KPNA5: variants seen among roughly 807,000 people sequenced by gnomAD.
The protein encoded by KPNA5 is importin subunit alpha-6.
In KPNA5, 46 loss-of-function variants were observed where a neutral mutation model predicts 71.3. The ratio of observed to expected loss-of-function variants is 0.65; its 90% confidence interval spans 0.51 to 0.83. The LOEUF (loss-of-function observed/expected upper bound fraction) is 0.83. Among genes scored for constraint, KPNA5 ranks in the 40% least tolerant of loss-of-function variants. KPNA5 has a pLI of 0.00. For synonymous variants in KPNA5, 207 were observed against 201.4 expected (o/e 1.03, Z -0.24); for missense variants, 547 against 628.3 (o/e 0.87, Z 1.38).
chr6:116,689,220 G>C, intron 1 of KPNA5, 100 bp from the exon 2 acceptor site: 1 of 1,271,916 alleles, frequency 7.9e-7, no homozygotes, highest in Non-Finnish European at 1.1e-6. Context: ...TTGTTGACCT[G>C]TTAATCAGTG....
chr6:116,730,084 AT>A (rs66651825), intron 13 of KPNA5, among the ~76,000 whole-genome samples: 4,515 of 124,662 alleles, frequency 0.036, 116 homozygotes, highest in African/African-American at 0.098. Context: ...AAAATATGTA[AT>A]TTTTTTTTTT....
In KPNA5 at chr6:116,732,074, T is replaced by TTATATATATATATA. The variant is rs2243369; in HGVS notation, c.1433-27_1433-14dup. On this transcript the variant is annotated intron_variant, in intron 13 of 13. Transcript: ENST00000368564. ...TACTGAAATTGTAGTAACAGTTTGT[T>TTATATATATATATA]TATATATATATATATATATATATAT... 2.8e-3 allele frequency: 189 copies of TTATATATATATATA among 67,590 alleles called. 5 individuals are homozygous for TTATATATATATATA. The highest frequency in any genetic ancestry group is 3.7e-3 in the Non-Finnish European group (120 of 32,298). 4.2% of individuals were successfully genotyped at this position (67,590 alleles called of 1,614,324 possible). A position where few individuals can be genotyped will look rare whatever the true frequency, so the allele number is the denominator to read the frequency against.
At chr6:116,727,718 TAAG>T (rs1779339452) in intron 12 of KPNA5, among the ~76,000 whole-genome samples, 1 of 152,096 alleles carries the variant, frequency 6.6e-6, no homozygotes, top group African/African-American at 2.4e-5. Context: ...AATAGATAAT[TAAG>T]AATAGCTACT....
At chr6:116,710,873 T>TATATATA (rs1554256692) in intron 7 of KPNA5, among the ~76,000 whole-genome samples, 9 of 84,874 alleles carry the variant, frequency 1.1e-4, no homozygotes, top group African/African-American at 1.7e-4. Context: ...TAATATTATT[T>TATATATA]TATATATATA....
At chr6:116,718,895 G>A (rs950810423) in intron 8 of KPNA5, among the ~76,000 whole-genome samples, 2 of 151,360 alleles carry the variant, frequency 1.3e-5, no homozygotes, top group African/African-American at 4.9e-5. Flanking sequence ...AGCCCCCCAA[G>A]TAGCTGGGAT....
chr6:116,719,977 C>T (rs1334015065), intron 8 of KPNA5, among the ~76,000 whole-genome samples: 1 of 152,198 alleles, frequency 6.6e-6, no homozygotes, highest in Non-Finnish European at 1.5e-5. Flanking sequence ...TCATTTCAAC[C>T]TCCACTGTGC....
At chr6:116,718,211 A>C (rs1180304445) in intron 8 of KPNA5, among the ~76,000 whole-genome samples, 1 of 151,568 alleles carries the variant, frequency 6.6e-6, no homozygotes, top group African/African-American at 2.4e-5. Context: ...TGTTTCTTTC[A>C]AATCACCTTT....
chr6:116,740,187 A>G lies in KPNA5; in HGVS notation c.*7864A>G, dbSNP rs2114532466. Reference sequence around the variant, plus strand: ...CCCCATCAAAAAGTGGGTGAAGGACATGAACAGACACTTCTCAAAAGAAGA... The same window carrying G: ...CCCCATCAAAAAGTGGGTGAAGGACGTGAACAGACACTTCTCAAAAGAAGA... On this transcript the variant is annotated 3_prime_UTR_variant, in exon 14 of 14. Coordinates refer to ENST00000368564, the MANE Select transcript of KPNA5 (RefSeq NM_001366306.2). 6.6e-6 allele frequency: 1 copy of G among 152,324 alleles called. No individual in the cohort carries two copies. Among genetic ancestry groups the G allele is most frequent in the South Asian group, 2.1e-4 (1 of 4,828 alleles). 9.4% of individuals were successfully genotyped at this position (152,324 alleles called of 1,614,324 possible). A position where few individuals can be genotyped will look rare whatever the true frequency, so the allele number is the denominator to read the frequency against.
chr6:116,726,428 G>A (rs1583445795), intron 11 of KPNA5, 67 bp from the exon 12 acceptor site: 1 of 1,324,656 alleles, frequency 7.5e-7, no homozygotes, highest in East Asian at 2.7e-5. Flanking sequence ...TGAGTTTCAA[G>A]ATTTTTTTTA....
chr6:116,719,402 T>C (rs750327716), intron 8 of KPNA5, among the ~76,000 whole-genome samples: 16 of 152,204 alleles, frequency 1.1e-4, no homozygotes, highest in Non-Finnish European at 1.9e-4. Flanking sequence ...TGTAGGATAA[T>C]TGGGCAGCAA....
intron 7 of KPNA5, among the ~76,000 whole-genome samples, chr6:116,715,845 G>C (rs1778864856): frequency 6.6e-6 from 1 of 152,076 alleles, no homozygotes; most frequent in African/African-American, 2.4e-5. Flanking sequence ...GACCCAGGGG[G>C]CAGAGGTTGC....
chr6:116,707,337 A>G (rs924298150), intron 7 of KPNA5, among the ~76,000 whole-genome samples: 1 of 152,156 alleles, frequency 6.6e-6, no homozygotes, highest in African/African-American at 2.4e-5. Context: ...TTACTACTAT[A>G]AACTATCCTG....
intron 8 of KPNA5, 32 bp from the exon 9 acceptor site, chr6:116,722,094 A>G (rs1410686338): frequency 6.9e-7 from 1 of 1,451,380 alleles, no homozygotes; most frequent in Non-Finnish European, 9.2e-7. Context: ...AAATAGAGAA[A>G]AAATTTAAAT....
chr6:116,710,893 A>ATATTTT (rs1302327650), intron 7 of KPNA5, among the ~76,000 whole-genome samples: 2 of 86,738 alleles, frequency 2.3e-5, no homozygotes, highest in East Asian at 3.7e-4. Flanking sequence ...ATATATATAT[A>ATATTTT]TTTTTTTTTT....
intron 10 of KPNA5, among the ~76,000 whole-genome samples, chr6:116,725,312 T>C (rs1341329196): frequency 1.3e-5 from 2 of 152,184 alleles, no homozygotes; most frequent in East Asian, 1.9e-4. Flanking sequence ...AAGAGTAAGA[T>C]AGTAAAAATT....
chr6:116,716,368 T>A, intron 8 of KPNA5, 50 bp downstream of exon 8: 1 of 1,237,544 alleles, frequency 8.1e-7, no homozygotes, highest in Non-Finnish European at 1.2e-6. Context: ...AAACCTAAGT[T>A]TCTATATAAT....
At position 116,738,713 on chromosome 6, in the gene KPNA5, T is replaced by A. The variant is rs1375412022; in HGVS notation, c.*6390T>A. 6.6e-6 allele frequency: 1 copy of A among 152,032 alleles called. No individual in the cohort carries two copies. Among genetic ancestry groups the A allele is most frequent in the Non-Finnish European group, 1.5e-5 (1 of 67,998 alleles). 9.4% of individuals were successfully genotyped at this position (152,032 alleles called of 1,614,324 possible). A position where few individuals can be genotyped will look rare whatever the true frequency, so the allele number is the denominator to read the frequency against. ...GGTTCAATATACGCAAATCAATAAA[T>A]GTAATCCAGCATATAAACAGAACCA... is the stretch of plus-strand genomic sequence containing the variant. On this transcript the variant is annotated 3_prime_UTR_variant, in exon 14 of 14. Transcript: ENST00000368564.
At chr6:116,732,072 GTTTATATATATATATATATATA>G (rs1779504474) in intron 13 of KPNA5, 42 bp from the exon 14 acceptor site, 3 of 69,542 alleles carry the variant, frequency 4.3e-5, no homozygotes, top group Non-Finnish European at 5.2e-5. Flanking sequence ...GTAACAGTTT[GTTTATATATATATATATATATA>G]TATATATATA....
intron 7 of KPNA5, 147 bp downstream of exon 7, chr6:116,705,307 G>T (rs1408439589): frequency 1.8e-6 from 1 of 568,136 alleles, no homozygotes; most frequent in African/African-American, 1.9e-5. Context: ...AGAACCAAGA[G>T]AAATTTTCAA....
Sources: allele counts gnomAD v4.1 joint callset (sites outside exome capture counted in the v4.1 genomes callset), GRCh38; gene constraint gnomAD v4.1.1; transcripts MANE v1.5; gene names NCBI Gene and HGNC (gene_info 2026-07-23, HGNC 2026-07-21).